Variants in WSCD1 observed in about 807,000 individuals in gnomAD.
The protein encoded by WSCD1 is sialate:O-sulfotransferase 1.
In WSCD1, 41 loss-of-function variants were observed where a neutral mutation model predicts 60.4. That is an observed-to-expected ratio of 0.68 (90% CI 0.53 to 0.88). WSCD1 has a LOEUF of 0.88. WSCD1 is among the 40% of genes least tolerant of loss of function. The pLI is 0.00. For missense variants in WSCD1, 784 were observed against 796.2 expected (o/e 0.98, Z 0.18); for synonymous variants, 361 against 332.5 (o/e 1.09, Z -0.93).
At position 6,090,397 on chromosome 17, in the gene WSCD1, C is replaced by G; in HGVS notation, c.619C>G (p.Leu207Val). The G allele has an allele frequency of 3.1e-6, 5 of 1,611,306 alleles. 1 individual carries two copies. The South Asian group carries it at 5.5e-5, about 18-fold the overall frequency. Residue 207 changes from leucine (L) to valine (V), a missense_variant, in exon 4 of 9, where the codon CTG (leucine) becomes GTG (valine). Leu to Val is a conservative substitution (Grantham distance 32, BLOSUM62 1). Transcript: ENST00000317744. ...GNRLPAVSVG[L>V]EECNHECKGE... ...CCGGCTGCCAGCGGTGAGCGTGGGG[C>G]TGGAAGAGTGTAACCATGAGTGCAA... is the stretch of plus-strand genomic sequence containing the variant.
chr17:6,076,035 G>A (rs542182281), intron 1 of WSCD1, among the ~76,000 whole-genome samples: 7 of 152,294 alleles, frequency 4.6e-5, no homozygotes, highest in East Asian at 3.9e-4. Flanking sequence ...TGACAGAGGC[G>A]CACTAAACTC....
intron 1 of WSCD1, among the ~76,000 whole-genome samples, chr17:6,079,949 G>A (rs8073250): frequency 0.021 from 3,136 of 152,292 alleles, 101 homozygotes; most frequent in African/African-American, 0.072. Context: ...CCTCATCTGT[G>A]TAACAGGGAT....
At chr17:6,104,841 C>G (rs185673339) in intron 5 of WSCD1, among the ~76,000 whole-genome samples, 1 of 152,318 alleles carries the variant, frequency 6.6e-6, no homozygotes, top group East Asian at 1.9e-4. Context: ...AGGCTGGCTC[C>G]TTTTCCCACT....
chr17:6,087,964 TA>T (rs1040957022), intron 2 of WSCD1, 25 bp from the exon 3 acceptor site: 2 of 1,574,714 alleles, frequency 1.3e-6, no homozygotes, highest in African/African-American at 2.7e-5. Context: ...GGGCCTCTGG[TA>T]TTAGCCATGC....
At chr17:6,078,561 GGTGTGTGTGT>G (rs67928797) in intron 1 of WSCD1, among the ~76,000 whole-genome samples, 5 of 150,306 alleles carry the variant, frequency 3.3e-5, no homozygotes, top group African/African-American at 1.2e-4. Context: ...GAATGTGGAG[GGTGTGTGTGT>G]GTGTGTGTGC....
intron 1 of WSCD1, among the ~76,000 whole-genome samples, chr17:6,072,579 T>G (rs1027988813): frequency 6.6e-6 from 1 of 152,194 alleles, no homozygotes; most frequent in Non-Finnish European, 1.5e-5. Context: ...GCCAAGGACT[T>G]TGGGGCAGCT....
chr17:6,087,170 C>A (rs1909711903), intron 2 of WSCD1, among the ~76,000 whole-genome samples: 1 of 152,224 alleles, frequency 6.6e-6, no homozygotes, highest in Non-Finnish European at 1.5e-5. Context: ...ACATGCCTAC[C>A]CGCGTTTGCA....
intron 2 of WSCD1, among the ~76,000 whole-genome samples, chr17:6,086,239 C>T (rs1378864320): frequency 3.5e-5 from 3 of 84,734 alleles, no homozygotes; most frequent in African/African-American, 5.4e-5. Flanking sequence ...TCAGTAAGAC[C>T]GTCCTGACTT....
At chr17:6,111,724 AGAGCAAGG>A (rs1911426533) in intron 7 of WSCD1, among the ~76,000 whole-genome samples, 1 of 55,256 alleles carries the variant, frequency 1.8e-5, no homozygotes. Context: ...AAAAAAAAAA[AGAGCAAGG>A]AAACATGACG....
intron 4 of WSCD1, among the ~76,000 whole-genome samples, chr17:6,094,792 G>GAGGGAGGA (rs1181834929): frequency 2.0e-5 from 3 of 149,524 alleles, no homozygotes; most frequent in African/African-American, 7.4e-5. Flanking sequence ...GGAAGGAAGG[G>GAGGGAGGA]AGGAAGGGAG....
intron 2 of WSCD1, among the ~76,000 whole-genome samples, chr17:6,082,174 G>C (rs970895767): frequency 1.1e-4 from 17 of 152,332 alleles, no homozygotes; most frequent in Middle Eastern, 3.4e-3. Flanking sequence ...TGGAGAAGTT[G>C]AGTCAATTGC....
chr17:6,119,776 G>A lies in WSCD1; in HGVS notation c.1376-533G>A, dbSNP rs144227948. 3.9e-5 allele frequency among the ~76,000 whole-genome samples: 6 copies of A among 152,218 alleles called. No individual in the cohort carries two copies. The East Asian group carries it at 7.7e-4, about 20-fold the overall frequency. Reference sequence around the variant, plus strand: ...ATTGTGAAGATTAGAGAAAGCAAACGCTTCAGACGGCGTTTGAGGTGTGTT... The same window carrying A: ...ATTGTGAAGATTAGAGAAAGCAAACACTTCAGACGGCGTTTGAGGTGTGTT... On this transcript the variant is annotated intron_variant, in intron 8 of 8. Transcript: ENST00000317744.
intron 5 of WSCD1, among the ~76,000 whole-genome samples, chr17:6,104,667 G>C (rs1041130311): frequency 2.0e-5 from 3 of 152,164 alleles, no homozygotes; most frequent in Non-Finnish European, 4.4e-5. Context: ...TGAATATCCA[G>C]ATCTGCCTCT....
rs1460011941 is a variant in WSCD1 at position 6,078,538 on chromosome 17, G to A, written c.-288-1833G>A. Among the ~76,000 whole-genome samples the A allele has an allele frequency of 3.9e-5, 6 of 152,262 alleles. No individual in the cohort carries two copies. In the East Asian group the frequency reaches 9.7e-4, roughly 25 times the overall value. The stretch of plus-strand genomic sequence containing the variant: ...CAGATGTGCTGTGGTTCCGGTTCCC[G>A]GTGGCTCTGCTGGAATGTGGAGGGT... On this transcript the variant is annotated intron_variant, in intron 1 of 8. Transcript: ENST00000317744.
chr17:6,117,823 G>A (rs1783684304), intron 7 of WSCD1, among the ~76,000 whole-genome samples, 165 bp from the exon 8 acceptor site: 1 of 152,124 alleles, frequency 6.6e-6, no homozygotes, highest in South Asian at 2.1e-4. Flanking sequence ...CACTCCTGTG[G>A]AGGCCGTTCC....
intron 4 of WSCD1, among the ~76,000 whole-genome samples, chr17:6,094,736 AGGAGGGAG>A (rs1441351162): frequency 1.5e-5 from 2 of 133,050 alleles, no homozygotes; most frequent in African/African-American, 5.7e-5. Context: ...GAGGGAGGGA[AGGAGGGAG>A]GGAGGGAATG....
At chr17:6,119,663 C>T (rs1004601102) in intron 8 of WSCD1, among the ~76,000 whole-genome samples, 10 of 152,124 alleles carry the variant, frequency 6.6e-5, no homozygotes, top group African/African-American at 2.4e-4. Context: ...CTCTTATGAG[C>T]CGTATAACTC....
At chr17:6,116,292 G>T (rs576659170) in intron 7 of WSCD1, among the ~76,000 whole-genome samples, 1 of 152,250 alleles carries the variant, frequency 6.6e-6, no homozygotes, top group Non-Finnish European at 1.5e-5. Context: ...AGCTATAGAG[G>T]TTGGGTCGAC....
In WSCD1 at chr17:6,109,705, C is replaced by T. The variant is rs1298827720; in HGVS notation, c.948C>T (p.Gly316=). 2 of 1,614,010 alleles carry T rather than the reference C, an allele frequency of 1.2e-6. No homozygotes were observed. The highest frequency in any genetic ancestry group is 1.7e-6 in the Non-Finnish European group (2 of 1,180,018). The change falls in exon 6 of 9, where the codon GGC becomes GGT. Residue 316 remains glycine, a synonymous_variant. Transcript: ENST00000317744. ...LRDAMDSSVC[G]QDPEAQRLAE... ...ATGCCATGGACAGCTCAGTATGTGG[C>T]CAGGACCCTGAGGCACAGAGGCTGG... is the stretch of plus-strand genomic sequence containing the variant.
Sources: allele counts gnomAD v4.1 joint callset (sites outside exome capture counted in the v4.1 genomes callset), GRCh38; gene constraint gnomAD v4.1.1; transcripts MANE v1.5; gene names NCBI Gene and HGNC (gene_info 2026-07-23, HGNC 2026-07-21).